Variants in BAZ2B observed in about 807,000 individuals in gnomAD.
BAZ2B encodes the protein bromodomain adjacent to zinc finger domain protein 2B.
In BAZ2B, 91 loss-of-function variants were observed where a neutral mutation model predicts 246.0. That is an observed-to-expected ratio of 0.37 (90% CI 0.31 to 0.44). The LOEUF (loss-of-function observed/expected upper bound fraction) is 0.44, where lower values mean the gene tolerates loss of function less well. Among genes scored for constraint, BAZ2B ranks in the 20% least tolerant of loss-of-function variants. The pLI is 1.00. For synonymous variants in BAZ2B, 855 were observed against 860.0 expected (o/e 0.99, Z 0.10); for missense variants, 2,332 against 2,533.7 (o/e 0.92, Z 1.71).
At chr2:159,556,214 T>C (rs1027166518) in intron 1 of BAZ2B, among the ~76,000 whole-genome samples, 1 of 152,196 alleles carries the variant, frequency 6.6e-6, no homozygotes, top group Admixed American at 6.5e-5. Context: ...ATGTCTTAAA[T>C]ACGTCACAAA....
intron 1 of BAZ2B, among the ~76,000 whole-genome samples, chr2:159,586,399 A>C (rs1427175629): frequency 6.6e-6 from 1 of 152,176 alleles, no homozygotes; most frequent in Admixed American, 6.5e-5. Flanking sequence ...AATCATCTAC[A>C]CAGAATTCAG....
chr2:159,594,954 G>T (rs939487973), intron 1 of BAZ2B, among the ~76,000 whole-genome samples: 1 of 151,766 alleles, frequency 6.6e-6, no homozygotes, highest in African/African-American at 2.4e-5. Flanking sequence ...TATTTCAACA[G>T]TAAGTATATT....
At chr2:159,519,742 G>A (rs1446030729) in intron 2 of BAZ2B, among the ~76,000 whole-genome samples, 12 of 94,842 alleles carry the variant, frequency 1.3e-4, no homozygotes, top group Admixed American at 1.2e-3. Flanking sequence ...GTGCGATCTC[G>A]GCTCACTGCA....
In BAZ2B at chr2:159,406,283, T is replaced by C. The variant is rs149773670; in HGVS notation, c.2678-1169A>G. Among the ~76,000 whole-genome samples the C allele has an allele frequency of 1.5e-4, 23 of 152,280 alleles. No homozygotes were observed. In the East Asian group the frequency reaches 3.1e-3, roughly 20 times the overall value. ...CTTTGCCCAAGACTGAAGATATGAT[T>C]TGGGGGCTAGGCTATTGGGAGATTG... On this transcript the variant is annotated intron_variant, in intron 14 of 36. Transcript: ENST00000392783.
chr2:159,367,171 A>G (rs1406983927), intron 27 of BAZ2B, among the ~76,000 whole-genome samples: 1 of 152,224 alleles, frequency 6.6e-6, no homozygotes, highest in Non-Finnish European at 1.5e-5. Flanking sequence ...TAGAATAATG[A>G]AGGACTTGGA....
chr2:159,645,278 AG>A, the BAZ2B span, among the ~76,000 whole-genome samples: 68,620 of 151,160 alleles, frequency 0.45, 16,352 homozygotes, highest in Middle Eastern at 0.63. Context: ...CTCTAAAAAA[AG>A]TTTTTTTTTT....
intron 1 of BAZ2B, among the ~76,000 whole-genome samples, chr2:159,610,881 T>G (rs916926846): frequency 4.6e-5 from 7 of 152,120 alleles, no homozygotes; most frequent in Non-Finnish European, 8.8e-5. Flanking sequence ...ACTCAATGTT[T>G]AACTGTAAAT....
At chr2:159,645,795 G>A in the BAZ2B span, among the ~76,000 whole-genome samples, 1 of 152,074 alleles carries the variant, frequency 6.6e-6, no homozygotes, top group Non-Finnish European at 1.5e-5. Context: ...GATGCCCCCT[G>A]AGCTGTAAAA....
intron 21 of BAZ2B, among the ~76,000 whole-genome samples, chr2:159,388,679 C>A (rs569008732): frequency 1.3e-5 from 2 of 150,976 alleles, no homozygotes; most frequent in East Asian, 3.9e-4. Flanking sequence ...TTAGCACAGT[C>A]CTAGCATGTA....
intron 25 of BAZ2B, among the ~76,000 whole-genome samples, chr2:159,381,193 T>A (rs564129446): frequency 5.3e-4 from 80 of 152,288 alleles, no homozygotes; most frequent in African/African-American, 1.9e-3. Context: ...ATCATCTACC[T>A]GATAATAACA....
chr2:159,338,425 G>T (rs912733874), intron 31 of BAZ2B, among the ~76,000 whole-genome samples: 12 of 151,986 alleles, frequency 7.9e-5, no homozygotes, highest in African/African-American at 2.9e-4. Flanking sequence ...GTAATTATTC[G>T]ATGAATATTT....
At chr2:159,694,588 G>A in the BAZ2B span, 1 of 152,104 alleles carries the variant, frequency 6.6e-6, no homozygotes, top group Non-Finnish European at 1.5e-5. Context: ...AATACAATGT[G>A]ACCTTTTATG....
chr2:159,364,073 T>G (rs2059980267), intron 27 of BAZ2B, among the ~76,000 whole-genome samples: 1 of 152,138 alleles, frequency 6.6e-6, no homozygotes, highest in Non-Finnish European at 1.5e-5. Flanking sequence ...CTGAGCCCTT[T>G]CAAACTCAAG....
At position 159,609,572 on chromosome 2, in the gene BAZ2B, A is replaced by G. The variant is rs1412357923; in HGVS notation, c.-46+6670T>C. On this transcript the variant is annotated intron_variant, in intron 1 of 36. Coordinates refer to ENST00000392783, the MANE Select transcript of BAZ2B (RefSeq NM_013450.4). ...TATTGATCTATGGACAAAATCATAAAACACATATTCCAAAAATTACAATAG... is the reference window on the plus strand; with the variant it reads ...TATTGATCTATGGACAAAATCATAAGACACATATTCCAAAAATTACAATAG... Among the ~76,000 whole-genome samples, 4 of 152,314 alleles carry G rather than the reference A, an allele frequency of 2.6e-5. No homozygotes were observed. In the East Asian group the frequency reaches 5.8e-4, roughly 22 times the overall value.
At chr2:159,544,947 G>T (rs2087127401) in intron 2 of BAZ2B, among the ~76,000 whole-genome samples, 3 of 152,110 alleles carry the variant, frequency 2.0e-5, no homozygotes, top group Admixed American at 2.0e-4. Flanking sequence ...AATTTAAGTA[G>T]GAAATAAGAC....
the BAZ2B span, among the ~76,000 whole-genome samples, chr2:159,699,631 T>C: frequency 6.6e-6 from 1 of 152,218 alleles, no homozygotes. Flanking sequence ...GGAAAAATGC[T>C]GTTCAATATT....
chr2:159,572,037 T>C (rs796157532), intron 1 of BAZ2B, among the ~76,000 whole-genome samples: 3 of 152,346 alleles, frequency 2.0e-5, no homozygotes, highest in African/African-American at 7.2e-5. Flanking sequence ...TCATCAAGCA[T>C]GCCTATGTAA....
At chr2:159,487,304 GATCTT>G (rs2079948840) in intron 2 of BAZ2B, among the ~76,000 whole-genome samples, 1 of 152,086 alleles carries the variant, frequency 6.6e-6, no homozygotes, top group African/African-American at 2.4e-5. Context: ...TTGTGTCAAG[GATCTT>G]CTTTTGTATG....
At chr2:159,691,515 T>C in the BAZ2B span, among the ~76,000 whole-genome samples, 548 of 152,334 alleles carry the variant, frequency 3.6e-3, 4 homozygotes, top group African/African-American at 0.012. Context: ...TTACTGATAC[T>C]GTAAGTTTAT....
Sources: allele counts gnomAD v4.1 joint callset (sites outside exome capture counted in the v4.1 genomes callset), GRCh38; gene constraint gnomAD v4.1.1; transcripts MANE v1.5; gene names NCBI Gene and HGNC (gene_info 2026-07-23, HGNC 2026-07-21).